Variants in MTO1 observed in about 807,000 individuals in gnomAD.
MTO1 encodes the protein mitochondrial tRNA translation optimization 1, also known as 5-taurinomethyluridine-[tRNA] synthase subunit MTO1, mitochondrial.
In MTO1, 46 loss-of-function variants were observed where a neutral mutation model predicts 71.6. That is an observed-to-expected ratio of 0.64 (90% CI 0.51 to 0.82). The LOEUF (loss-of-function observed/expected upper bound fraction) is 0.82, where lower values mean the gene tolerates loss of function less well. MTO1 is among the 40% of genes least tolerant of loss of function. The probability of loss-of-function intolerance (pLI) is 0.00; values close to 1 mark genes in which losing one functional copy is unlikely to be tolerated. For synonymous variants in MTO1, 297 were observed against 312.1 expected (o/e 0.95, Z 0.51); for missense variants, 773 against 867.5 (o/e 0.89, Z 1.37).
chr6:73,475,305 G>A (rs1771281139), intron 4 of MTO1, among the ~76,000 whole-genome samples: 1 of 151,626 alleles, frequency 6.6e-6, no homozygotes, highest in African/African-American at 2.4e-5. Context: ...TTTTTGAGAT[G>A]GAGATTCAGT....
At chr6:73,473,720 A>ATTT in intron 4 of MTO1, 66 bp downstream of exon 4, 1 of 1,039,478 alleles carries the variant, frequency 9.6e-7, no homozygotes, top group East Asian at 3.1e-5. Flanking sequence ...AAGTACTGTA[A>ATTT]CTTTTTTTTT....
At chr6:73,489,915 AGT>A (rs1406221452) in intron 9 of MTO1, among the ~76,000 whole-genome samples, 1 of 152,156 alleles carries the variant, frequency 6.6e-6, no homozygotes, top group African/African-American at 2.4e-5. Context: ...ACAGTGTAAA[AGT>A]GTTCCTATTT....
At chr6:73,490,930 T>C (rs1771785495) in intron 9 of MTO1, among the ~76,000 whole-genome samples, 2 of 152,150 alleles carry the variant, frequency 1.3e-5, no homozygotes, top group South Asian at 4.1e-4. Flanking sequence ...AAAGTGGTCA[T>C]AGGAGCTCCA....
In MTO1 at chr6:73,465,898, C is replaced by T. The variant is rs532180585; in HGVS notation, c.218-311C>T. On this transcript the variant is annotated intron_variant, in intron 1 of 11. Transcript: ENST00000498286. ...ACTCGGGATGCTGAGGCAGGAGAAT[C>T]GCTTGAACCCAGGAGGCAGAGGTTG... Among the ~76,000 whole-genome samples, 10 of 152,176 alleles carry T rather than the reference C, an allele frequency of 6.6e-5. No individual in the cohort carries two copies. In the South Asian group the frequency reaches 1.0e-3, roughly 16 times the overall value.
chr6:73,467,888 T>A (rs529851988), intron 3 of MTO1, among the ~76,000 whole-genome samples: 2 of 152,144 alleles, frequency 1.3e-5, no homozygotes, highest in East Asian at 1.9e-4. Context: ...TGGTGCGATA[T>A]CGGCTCACCA....
At chr6:73,495,245 TA>T (rs1771951412) in intron 10 of MTO1, among the ~76,000 whole-genome samples, 1 of 152,180 alleles carries the variant, frequency 6.6e-6, no homozygotes, top group Non-Finnish European at 1.5e-5. Flanking sequence ...TCCAAATTAT[TA>T]AACACTAGCA....
intron 4 of MTO1, among the ~76,000 whole-genome samples, chr6:73,477,034 C>T (rs937089909): frequency 6.6e-5 from 10 of 151,760 alleles, no homozygotes; most frequent in African/African-American, 1.9e-4. Flanking sequence ...ATGATCTGCC[C>T]GCCTTGGCCT....
At position 73,473,666 on chromosome 6, in the gene MTO1, T is replaced by C. The variant is rs776627149; in HGVS notation, c.825+12T>C. The C allele has an allele frequency of 6.3e-7, 1 of 1,585,900 alleles. No individual in the cohort carries two copies. Among genetic ancestry groups the C allele is most frequent in the African/African-American group, 1.4e-5 (1 of 73,592 alleles). On this transcript the variant is annotated intron_variant, in intron 4 of 11. Transcript: ENST00000498286. ...CAGTATGGATTAAGGTAAGATACTTTACGAAAACCTGGCTTACAGCTGGTA... is the reference window on the plus strand; with the variant it reads ...CAGTATGGATTAAGGTAAGATACTTCACGAAAACCTGGCTTACAGCTGGTA...
intron 10 of MTO1, among the ~76,000 whole-genome samples, chr6:73,494,700 T>C (rs1250102670): frequency 1.3e-5 from 2 of 148,834 alleles, no homozygotes; most frequent in Admixed American, 6.7e-5. Context: ...GGTCTTGAAC[T>C]CCTGACTTCA....
At chr6:73,494,464 A>C (rs1771924549) in intron 10 of MTO1, among the ~76,000 whole-genome samples, 1 of 146,252 alleles carries the variant, frequency 6.8e-6, no homozygotes, top group Non-Finnish European at 1.5e-5. Flanking sequence ...TAGCAGTGGC[A>C]TTTTCTTTTT....
chr6:73,479,013 C>G (rs1189374623), intron 4 of MTO1, among the ~76,000 whole-genome samples: 5 of 150,912 alleles, frequency 3.3e-5, no homozygotes, highest in Non-Finnish European at 7.4e-5. Context: ...CTCAGCCTCC[C>G]GAGTAGCTGG....
Position 73,492,255 on chromosome 6 carries a change from T to G in MTO1, c.1659T>G (p.Tyr553Ter). 1 of 1,613,160 alleles carries G rather than the reference T, an allele frequency of 6.2e-7. No individual in the cohort carries two copies. ...LPVRALDVLK[Y>*]EEVDMDSLAK... ...GCAGAGCTCTCGATGTTCTGAAGTA[T>G]GAGGAAGTTGACATGGATTCATTAG... is the stretch of plus-strand genomic sequence containing the variant. The change falls in exon 10 of 12, where the codon TAT (tyrosine) becomes TAG (stop). Residue 553 changes from tyrosine (Y) to a stop codon, truncating the protein, a stop_gained. Coordinates refer to ENST00000498286, the MANE Select transcript of MTO1 (RefSeq NM_012123.4). LOFTEE classifies it high-confidence loss of function.
rs1037069389 is a variant in MTO1 at position 73,492,240 on chromosome 6, C to T, written c.1644C>T (p.Leu548=). ...AACTTTCATATATTTGCAGAGCTCT[C>T]GATGTTCTGAAGTATGAGGAAGTTG... is the stretch of plus-strand genomic sequence containing the variant. ...STSRSLPVRA[L]DVLKYEEVDM... is the part of the protein sequence containing the mutation. Residue 548 remains leucine (L), a synonymous_variant, in exon 10 of 12, where the codon CTC becomes CTT. Transcript: ENST00000498286. The T allele has an allele frequency of 1.0e-5, 16 of 1,607,872 alleles. No individual in the cohort carries two copies. In the Middle Eastern group the frequency reaches 5.0e-4, roughly 50 times the overall value.
intron 3 of MTO1, among the ~76,000 whole-genome samples, chr6:73,469,748 G>A (rs953725831): frequency 1.3e-5 from 2 of 152,164 alleles, no homozygotes; most frequent in Admixed American, 6.6e-5. Context: ...GCTCACGCCT[G>A]TAATCCCAGC....
At chr6:73,480,386 T>A (rs1182993846) in intron 6 of MTO1, 1 of 652,390 alleles carries the variant, frequency 1.5e-6, no homozygotes, top group East Asian at 3.1e-5. Context: ...TTCTTCTGCC[T>A]CAGCCTCCTG....
intron 4 of MTO1, among the ~76,000 whole-genome samples, chr6:73,478,880 CT>C (rs374614949): frequency 0.14 from 19,677 of 144,886 alleles, 1,627 homozygotes; most frequent in East Asian, 0.2. Flanking sequence ...CACAAAAACA[CT>C]TTTTTTTTTT....
intron 10 of MTO1, chr6:73,492,873 A>G (rs985142608): frequency 6.6e-6 from 1 of 151,754 alleles, no homozygotes; most frequent in African/African-American, 2.4e-5. Flanking sequence ...CCCACTGAGA[A>G]TCTATATTTA....
chr6:73,482,513 T>A lies in MTO1; in HGVS notation c.1530T>A (p.Ser510=), dbSNP rs1771535551. 6.2e-7 allele frequency: 1 copy of A among 1,613,322 alleles called. No individual in the cohort carries two copies. Among genetic ancestry groups the A allele is most frequent in the Non-Finnish European group, 8.5e-7 (1 of 1,179,872 alleles). ...RYERACWMKS[S]LEEGISVLKS... ...AAAGAGCTTGTTGGATGAAGTCTTC[T>A]TTAGAAGAAGGCATTTCTGTGTTGA... is the stretch of plus-strand genomic sequence containing the variant. Residue 510 remains serine, a synonymous_variant, in exon 9 of 12, where the codon TCT becomes TCA. Transcript: ENST00000498286.
In MTO1 at chr6:73,506,905, T is replaced by C. The variant is rs1239069715; in HGVS notation, c.*6170T>C. 2 of 148,222 alleles carry C rather than the reference T, an allele frequency of 1.3e-5. No individual in the cohort carries two copies. Among genetic ancestry groups the C allele is most frequent in the East Asian group, 4.0e-4 (2 of 4,940 alleles). The allele number at this position is 148,222 out of a possible 1,614,324, so 9.2% of individuals were successfully genotyped here. On this transcript the variant is annotated 3_prime_UTR_variant, in exon 12 of 12. Coordinates refer to ENST00000498286, the MANE Select transcript of MTO1 (RefSeq NM_012123.4). ...AGTTTCACCATGTTGGCCAGGCTAG[T>C]CTTGAACTCCTGACCTCAGGTGATC... is the stretch of plus-strand genomic sequence containing the variant.
Sources: allele counts gnomAD v4.1 joint callset (sites outside exome capture counted in the v4.1 genomes callset), GRCh38; gene constraint gnomAD v4.1.1; transcripts MANE v1.5; gene names NCBI Gene and HGNC (gene_info 2026-07-23, HGNC 2026-07-21).